The following EPHA6 variants were observed in gnomAD, a reference collection of about 807,000 sequenced individuals.
EPHA6 encodes the protein EPH receptor A6, also known as ephrin type-A receptor 6.
In EPHA6, 50 loss-of-function variants were observed where a neutral mutation model predicts 112.0. That is an observed-to-expected ratio of 0.45 (90% CI 0.36 to 0.56). EPHA6 has a LOEUF of 0.56. Among genes scored for constraint, EPHA6 ranks in the 20% least tolerant of loss-of-function variants. EPHA6 has a pLI of 0.00. For missense variants in EPHA6, 1,280 were observed against 1,417.4 expected (o/e 0.90, Z 1.56); for synonymous variants, 529 against 490.7 (o/e 1.08, Z -1.03).
At chr3:96,992,161 G>T (rs534076388) in intron 3 of EPHA6, among the ~76,000 whole-genome samples, 21 of 152,196 alleles carry the variant, frequency 1.4e-4, no homozygotes, top group African/African-American at 3.9e-4. Flanking sequence ...TTATGAAGTG[G>T]TTTTTCTCTC....
At chr3:97,114,832 G>T (rs1404942807) in intron 3 of EPHA6, among the ~76,000 whole-genome samples, 1 of 151,990 alleles carries the variant, frequency 6.6e-6, no homozygotes, top group East Asian at 1.9e-4. Flanking sequence ...TGTAATCAAT[G>T]ATAATTATAT....
At chr3:96,815,525 C>T (rs1050967163) in intron 1 of EPHA6, among the ~76,000 whole-genome samples, 1 of 152,072 alleles carries the variant, frequency 6.6e-6, no homozygotes, top group Non-Finnish European at 1.5e-5. Flanking sequence ...TCCAGGCCAC[C>T]GAAGTAGACT....
At chr3:97,111,427 A>G (rs1048448095) in intron 3 of EPHA6, among the ~76,000 whole-genome samples, 2 of 152,052 alleles carry the variant, frequency 1.3e-5, no homozygotes, top group Admixed American at 1.3e-4. Flanking sequence ...CATAGCTTCA[A>G]TTTTCCTGCC....
intron 10 of EPHA6, among the ~76,000 whole-genome samples, chr3:97,506,026 A>G (rs955893825): frequency 6.6e-6 from 1 of 151,818 alleles, no homozygotes; most frequent in Non-Finnish European, 1.5e-5. Context: ...CCACGTTTTG[A>G]TGGGGTTGTT....
intron 3 of EPHA6, among the ~76,000 whole-genome samples, chr3:97,102,054 G>A (rs2047419365): frequency 6.6e-6 from 1 of 152,056 alleles, no homozygotes; most frequent in Non-Finnish European, 1.5e-5. Flanking sequence ...TTGATGGCTA[G>A]GTCATCAGAA....
intron 2 of EPHA6, among the ~76,000 whole-genome samples, chr3:96,911,092 T>G (rs2039191697): frequency 6.6e-6 from 1 of 152,090 alleles, no homozygotes; most frequent in Admixed American, 6.6e-5. Context: ...TGATGGCTAT[T>G]ATAGTAAAAT....
chr3:97,439,610 AGAGTG>A, intron 6 of EPHA6: 7 of 1,005,776 alleles, frequency 7.0e-6, no homozygotes, highest in Non-Finnish European at 8.3e-6. Context: ...AATCCAAGGC[AGAGTG>A]GAACTTCCCA....
At chr3:97,716,058 G>C (rs370044163) in intron 14 of EPHA6, among the ~76,000 whole-genome samples, 3 of 152,032 alleles carry the variant, frequency 2.0e-5, no homozygotes, top group East Asian at 3.9e-4. Flanking sequence ...TAAACATATG[G>C]TAAAGCAACA....
At chr3:97,210,475 G>A (rs1056736539) in intron 3 of EPHA6, among the ~76,000 whole-genome samples, 6 of 152,126 alleles carry the variant, frequency 3.9e-5, no homozygotes, top group Non-Finnish European at 8.8e-5. Context: ...TGGGGATGAT[G>A]GGGATTACAG....
chr3:97,427,135 G>A (rs138799644), intron 6 of EPHA6, among the ~76,000 whole-genome samples: 8 of 152,252 alleles, frequency 5.3e-5, no homozygotes, highest in East Asian at 3.9e-4. Context: ...GCACTGTGGC[G>A]ATTCCTCAAA....
At chr3:97,736,796 C>G (rs1011843549) in intron 16 of EPHA6, among the ~76,000 whole-genome samples, 7 of 151,940 alleles carry the variant, frequency 4.6e-5, no homozygotes, top group Non-Finnish European at 7.4e-5. Context: ...AAAAAAAAGA[C>G]TATCATCTAT....
chr3:97,069,224 A>G (rs1457821894), intron 3 of EPHA6, among the ~76,000 whole-genome samples: 1 of 152,188 alleles, frequency 6.6e-6, no homozygotes, highest in Non-Finnish European at 1.5e-5. Context: ...TCTTACAGTA[A>G]AGTAAGCTAG....
At chr3:97,274,930 G>A (rs1180058899) in intron 5 of EPHA6, among the ~76,000 whole-genome samples, 3 of 152,150 alleles carry the variant, frequency 2.0e-5, no homozygotes, top group Non-Finnish European at 4.4e-5. Flanking sequence ...GAAGGAGCCG[G>A]GGAGCAGAAA....
At chr3:97,462,679 A>G (rs2090929646) in intron 7 of EPHA6, among the ~76,000 whole-genome samples, 1 of 152,188 alleles carries the variant, frequency 6.6e-6, no homozygotes, top group African/African-American at 2.4e-5. Context: ...AACACAGAAT[A>G]TCTTGCTTGA....
intron 14 of EPHA6, among the ~76,000 whole-genome samples, chr3:97,652,363 G>A (rs563263863): frequency 1.3e-5 from 2 of 152,092 alleles, no homozygotes; most frequent in African/African-American, 4.8e-5. Flanking sequence ...AGACCCTATT[G>A]GCTGCCCATT....
chr3:96,944,177 ACAACT>A, intron 2 of EPHA6, among the ~76,000 whole-genome samples: 1 of 152,280 alleles, frequency 6.6e-6, no homozygotes, highest in East Asian at 1.9e-4. Flanking sequence ...CTCCACCAAA[ACAACT>A]CAACTCCAGA....
intron 10 of EPHA6, among the ~76,000 whole-genome samples, chr3:97,528,007 G>A: frequency 6.6e-6 from 1 of 152,036 alleles, no homozygotes. Flanking sequence ...TCGCACCATA[G>A]TATATTAATG....
rs958184843 is a variant in EPHA6 at position 97,605,474 on chromosome 3, G to A, written c.2513-5319G>A. Among the ~76,000 whole-genome samples the A allele has an allele frequency of 1.6e-3, 236 of 151,654 alleles. 1 individual carries two copies. Among genetic ancestry groups the A allele is most frequent in the Non-Finnish European group, 2.4e-3 (162 of 67,752 alleles). ...AGTTTCATTCTTCTACATATGGCTAGCCAGTTATCCCAGCACCATTTGTTG... is the reference window on the plus strand; with the variant it reads ...AGTTTCATTCTTCTACATATGGCTAACCAGTTATCCCAGCACCATTTGTTG... On this transcript the variant is annotated intron_variant, in intron 12 of 17. Coordinates refer to ENST00000389672, the MANE Select transcript of EPHA6 (RefSeq NM_001080448.3).
chr3:96,993,383 G>A (rs929207007), intron 3 of EPHA6, among the ~76,000 whole-genome samples: 5 of 150,752 alleles, frequency 3.3e-5, no homozygotes, highest in African/African-American at 9.8e-5. Flanking sequence ...TGCAACTTCC[G>A]CCTCCTGGGT....
Sources: allele counts gnomAD v4.1 joint callset (sites outside exome capture counted in the v4.1 genomes callset), GRCh38; gene constraint gnomAD v4.1.1; transcripts MANE v1.5; gene names NCBI Gene and HGNC (gene_info 2026-07-23, HGNC 2026-07-21).